PIGF: variants seen among roughly 807,000 people sequenced by gnomAD.
PIGF encodes the protein phosphatidylinositol glycan anchor biosynthesis class F.
Under a neutral mutation model 26.0 loss-of-function variants are expected in PIGF, and 23 were observed. The observed-to-expected ratio is 0.88, with a 90% confidence interval of 0.64 to 1.25. PIGF has a LOEUF of 1.25. PIGF is among the 50% of genes most tolerant of loss of function. PIGF has a pLI of 0.00. For synonymous variants in PIGF, 93 were observed against 92.6 expected (o/e 1.00, Z -0.03); for missense variants, 278 against 249.9 (o/e 1.11, Z -0.76).
intron 4 of PIGF, among the ~76,000 whole-genome samples, chr2:46,595,935 C>A (rs1669868837): frequency 6.6e-6 from 1 of 152,174 alleles, no homozygotes; most frequent in South Asian, 2.1e-4. Flanking sequence ...ATTTATGTGG[C>A]TGGGTGCGGT....
chr2:46,587,174 T>A (rs775199382), intron 5 of PIGF, among the ~76,000 whole-genome samples: 20 of 152,232 alleles, frequency 1.3e-4, no homozygotes, highest in Non-Finnish European at 2.5e-4. Context: ...CATATTCATA[T>A]AAATGAGTAT....
At chr2:46,594,927 T>C (rs1669836478) in intron 4 of PIGF, among the ~76,000 whole-genome samples, 1 of 151,660 alleles carries the variant, frequency 6.6e-6, no homozygotes, top group Non-Finnish European at 1.5e-5. Context: ...CTGGGCTCAC[T>C]GCAACGTCCG....
chr2:46,612,196 C>A, intron 4 of PIGF, 32 bp downstream of exon 4: 3 of 639,132 alleles, frequency 4.7e-6, no homozygotes, highest in Non-Finnish European at 7.4e-6. Context: ...TTTTTAATTT[C>A]AATATCATTA....
chr2:46,601,557 C>T (rs1316120278), intron 4 of PIGF, among the ~76,000 whole-genome samples: 1 of 152,064 alleles, frequency 6.6e-6, no homozygotes, highest in Non-Finnish European at 1.5e-5. Flanking sequence ...TGTACAACTC[C>T]TCCTAGTGGC....
At chr2:46,606,907 G>C (rs1048769919) in intron 4 of PIGF, among the ~76,000 whole-genome samples, 6 of 152,138 alleles carry the variant, frequency 3.9e-5, no homozygotes, top group Non-Finnish European at 7.4e-5. Flanking sequence ...CCATACAATG[G>C]AATATTATTC....
intron 4 of PIGF, among the ~76,000 whole-genome samples, chr2:46,599,864 C>G (rs930500675): frequency 6.6e-6 from 1 of 151,992 alleles, no homozygotes; most frequent in African/African-American, 2.4e-5. Context: ...CGTTTCTTTT[C>G]TCTTGCTCAC....
intron 4 of PIGF, among the ~76,000 whole-genome samples, chr2:46,606,471 T>A (rs1670226120): frequency 6.6e-6 from 1 of 152,198 alleles, no homozygotes; most frequent in Non-Finnish European, 1.5e-5. Flanking sequence ...GCATAGTACT[T>A]CACAGTGTGG....
At position 46,613,764 on chromosome 2, in the gene PIGF, A is replaced by T. The variant is rs1289458125; in HGVS notation, c.250T>A (p.Cys84Ser). ...AAACAAGACATAAGAAAGTAGATAC[A>T]GCATTTCAAAAATCCAGTTACCTAA... ...SHKVTGFLKC[C>S]IYFLMSCFSF... The change falls in exon 3 of 6, where the codon TGT becomes AGT. Residue 84 changes from cysteine (C) to serine (S), a missense_variant. By Grantham distance (112) the Cys-to-Ser change is moderately radical. Transcript: ENST00000281382. 5 of 1,553,282 alleles carry T rather than the reference A, an allele frequency of 3.2e-6. No individual in the cohort carries two copies. The highest frequency in any genetic ancestry group is 4.4e-6 in the Non-Finnish European group (5 of 1,130,530).
At position 46,613,674 on chromosome 2, in the gene PIGF, G is replaced by A. The variant is rs201516446; in HGVS notation, c.320+20C>T. ...TGAATGTTTTAAAATATAAATTTAG[G>A]GTAAAAATTTCAAACTTACTCTATC... On this transcript the variant is annotated intron_variant, in intron 3 of 5. Coordinates refer to ENST00000281382, the MANE Select transcript of PIGF (RefSeq NM_002643.4). 8 of 1,473,018 alleles carry A rather than the reference G, an allele frequency of 5.4e-6. No individual in the cohort carries two copies. In the African/African-American group the frequency reaches 5.7e-5, roughly 11 times the overall value. The allele number at this position is 1,473,018 out of a possible 1,614,324, so 91.2% of individuals were successfully genotyped here. A position where few individuals can be genotyped will look rare whatever the true frequency, so the allele number is the denominator to read the frequency against.
intron 5 of PIGF, among the ~76,000 whole-genome samples, chr2:46,585,692 C>A (rs1045352786): frequency 6.6e-6 from 1 of 152,064 alleles, no homozygotes; most frequent in African/African-American, 2.4e-5. Context: ...TAAGTAGAAC[C>A]GGCAGTTTAG....
At chr2:46,607,870 G>A (rs1015852301) in intron 4 of PIGF, among the ~76,000 whole-genome samples, 3 of 151,954 alleles carry the variant, frequency 2.0e-5, no homozygotes, top group Admixed American at 6.6e-5. Flanking sequence ...AATTTTTCTT[G>A]TATTTTTAGT....
chr2:46,614,810 G>A (rs1398310344), intron 2 of PIGF, 127 bp downstream of exon 2: 3 of 586,898 alleles, frequency 5.1e-6, no homozygotes. Flanking sequence ...CCAATTTGGG[G>A]GGAAAAATAT....
Position 46,581,493 on chromosome 2 carries a change from T to G in PIGF, c.645A>C (p.Thr215=). 6.2e-7 allele frequency: 1 copy of G among 1,611,292 alleles called. No individual in the cohort carries two copies. Among genetic ancestry groups the G allele is most frequent in the Non-Finnish European group, 8.5e-7 (1 of 1,179,434 alleles). ...LWIYWNRKQL[T]YKNN ...TTTGCTCCAGTTAATTGTTCTTGTATGTAAGTTGCTTTCTATTCCAGTATA... is the reference window on the plus strand; with the variant it reads ...TTTGCTCCAGTTAATTGTTCTTGTAGGTAAGTTGCTTTCTATTCCAGTATA... The change falls in exon 6 of 6, where the codon ACA becomes ACC. Residue 215 remains threonine (T), a synonymous_variant. Transcript: ENST00000281382.
At chr2:46,581,916 A>G (rs1669396245) in intron 5 of PIGF, 1 of 210,234 alleles carries the variant, frequency 4.8e-6, no homozygotes, top group East Asian at 1.3e-4. Flanking sequence ...TCTCTGAACT[A>G]GTTGGTAATT....
At chr2:46,606,900 T>C (rs1197717763) in intron 4 of PIGF, among the ~76,000 whole-genome samples, 1 of 152,204 alleles carries the variant, frequency 6.6e-6, no homozygotes, top group Non-Finnish European at 1.5e-5. Context: ...TATATATCCA[T>C]ACAATGGAAT....
chr2:46,609,106 T>C (rs903565157), intron 4 of PIGF, among the ~76,000 whole-genome samples: 1 of 152,238 alleles, frequency 6.6e-6, no homozygotes, highest in African/African-American at 2.4e-5. Flanking sequence ...AAATCTGTTA[T>C]TTAGCCACCT....
At chr2:46,608,621 A>T (rs894166528) in intron 4 of PIGF, among the ~76,000 whole-genome samples, 4 of 152,248 alleles carry the variant, frequency 2.6e-5, no homozygotes, top group Admixed American at 2.0e-4. Context: ...TTAAGTAATA[A>T]GACTTGAAAA....
intron 4 of PIGF, among the ~76,000 whole-genome samples, 176 bp from the exon 5 acceptor site, chr2:46,592,759 T>C (rs940037417): frequency 6.6e-6 from 1 of 152,220 alleles, no homozygotes; most frequent in Admixed American, 6.5e-5. Context: ...GGTAAGAAGA[T>C]GTAAATGTTT....
chr2:46,596,065 T>A (rs901230454), intron 4 of PIGF, among the ~76,000 whole-genome samples: 1 of 151,798 alleles, frequency 6.6e-6, no homozygotes, highest in Non-Finnish European at 1.5e-5. Flanking sequence ...ATACAAAAAA[T>A]TAGCTGGGCG....
Sources: gnomAD v4.1 joint callset for allele counts (sites outside exome capture counted in the v4.1 genomes callset) on GRCh38, gnomAD v4.1.1 for gene constraint, MANE v1.5 for transcripts, NCBI Gene and HGNC (gene_info 2026-07-23, HGNC 2026-07-21) for gene names.